Variants in GNG4 observed in about 807,000 individuals in gnomAD.
The protein encoded by GNG4 is G protein subunit gamma 4.
GNG4 carries 4 observed loss-of-function variants against 5.8 expected under a neutral mutation model. The ratio of observed to expected loss-of-function variants is 0.69; its 90% confidence interval spans 0.34 to 1.57. The LOEUF (loss-of-function observed/expected upper bound fraction) is 1.57, where lower values mean the gene tolerates loss of function less well. GNG4 is among the 40% of genes most tolerant of loss of function. The pLI is 0.06. For missense variants in GNG4, 96 were observed against 95.1 expected, an observed-to-expected ratio of 1.01 and a Z score of -0.04; for synonymous variants, 29 against 32.9, an observed-to-expected ratio of 0.88 and a Z score of 0.41.
intron 1 of GNG4, among the ~76,000 whole-genome samples, chr1:235,626,610 G>A (rs1436185397): frequency 2.6e-5 from 4 of 152,130 alleles, no homozygotes; most frequent in South Asian, 2.1e-4. Context: ...GAGCAAACTC[G>A]TCACTCTCTG....
chr1:235,626,490 T>A (rs1688811705), intron 1 of GNG4, among the ~76,000 whole-genome samples: 1 of 152,124 alleles, frequency 6.6e-6, no homozygotes. Flanking sequence ...CTCAGGGCCT[T>A]GCAAGTGCGA....
intron 1 of GNG4, chr1:235,616,237 T>C (rs1438867490): frequency 2.0e-6 from 1 of 512,294 alleles, no homozygotes; most frequent in African/African-American, 1.9e-5. Flanking sequence ...TCTTGAATAT[T>C]GCTGTGGTTG....
At chr1:235,569,872 G>A (rs1286571197) in intron 3 of GNG4, among the ~76,000 whole-genome samples, 3 of 152,050 alleles carry the variant, frequency 2.0e-5, no homozygotes, top group Admixed American at 6.6e-5. Context: ...GGCCTCTTCT[G>A]CCTATATTCT....
chr1:235,599,867 G>A (rs578076357), intron 1 of GNG4, among the ~76,000 whole-genome samples: 1 of 152,194 alleles, frequency 6.6e-6, no homozygotes, highest in Admixed American at 6.5e-5. Flanking sequence ...CTCTTTGAGA[G>A]GCCACACATC....
At chr1:235,581,257 G>T (rs928238084) in intron 3 of GNG4, among the ~76,000 whole-genome samples, 3 of 152,124 alleles carry the variant, frequency 2.0e-5, no homozygotes, top group Admixed American at 1.3e-4. Flanking sequence ...GTTCTCAAGA[G>T]ATCTGGTTGT....
chr1:235,554,273 C>T (rs1686835104), intron 3 of GNG4, among the ~76,000 whole-genome samples: 1 of 152,196 alleles, frequency 6.6e-6, no homozygotes, highest in African/African-American at 2.4e-5. Context: ...GAGTGATGAC[C>T]TCCTTAGTTT....
Position 235,633,720 on chromosome 1 carries a change from C to T in GNG4, c.-123+15942G>A, listed in dbSNP as rs562808411. 2.0e-5 allele frequency among the ~76,000 whole-genome samples: 3 copies of T among 152,282 alleles called. No homozygotes were observed. The South Asian group carries it at 6.2e-4, about 32-fold the overall frequency. On this transcript the variant is annotated intron_variant, in intron 1 of 3. Transcript: ENST00000391854. ...CCCAGGCTGGCCTCAAACCCTTGGC[C>T]TCTTGCAATCCTCCCACCTCAGCCT...
intron 3 of GNG4, among the ~76,000 whole-genome samples, chr1:235,566,427 AT>A (rs1408703917): frequency 6.6e-6 from 1 of 152,204 alleles, no homozygotes; most frequent in East Asian, 1.9e-4. Context: ...TGAGAACCTA[AT>A]GCCTGATGAT....
chr1:235,600,560 G>A (rs1312904494), intron 1 of GNG4, among the ~76,000 whole-genome samples: 5 of 151,886 alleles, frequency 3.3e-5, no homozygotes, highest in Non-Finnish European at 2.9e-5. Flanking sequence ...CAACCTCAGC[G>A]TCTGGAGTAG....
At chr1:235,573,269 T>C (rs770850132) in intron 3 of GNG4, among the ~76,000 whole-genome samples, 6 of 142,980 alleles carry the variant, frequency 4.2e-5, no homozygotes, top group Non-Finnish European at 7.5e-5. Context: ...TAGGTGGGAA[T>C]TGAACAATAT....
rs565383603 is a variant in GNG4, at chr1:235,602,263, C to A, written c.-122-6752G>T. 2.0e-5 allele frequency among the ~76,000 whole-genome samples: 3 copies of A among 152,098 alleles called. No homozygotes were observed. In the East Asian group the frequency reaches 5.8e-4, roughly 29 times the overall value. ...CTCCAGCCTGGTCCACAGAGCGAGA[C>A]CCGATCTCAACAACAACAACAAAAA... is the stretch of plus-strand genomic sequence containing the variant. On this transcript the variant is annotated intron_variant, in intron 1 of 3. Transcript: ENST00000391854.
chr1:235,637,441 C>T (rs554472576), intron 1 of GNG4, among the ~76,000 whole-genome samples: 224 of 152,104 alleles, frequency 1.5e-3, no homozygotes, highest in Non-Finnish European at 2.8e-3. Flanking sequence ...TCACTTGAGG[C>T]CAGGAGTTCA....
At chr1:235,555,923 A>G (rs575509209) in intron 3 of GNG4, among the ~76,000 whole-genome samples, 165 of 152,076 alleles carry the variant, frequency 1.1e-3, no homozygotes, top group African/African-American at 3.3e-3. Flanking sequence ...ACTGGAGTGC[A>G]GTAGGGCGAT....
chr1:235,646,672 C>T (rs958569166), intron 1 of GNG4, among the ~76,000 whole-genome samples: 1 of 152,180 alleles, frequency 6.6e-6, no homozygotes, highest in Non-Finnish European at 1.5e-5. Context: ...CCAGTGAGCA[C>T]GGCGTCTTGC....
intron 2 of GNG4, among the ~76,000 whole-genome samples, chr1:235,587,626 T>TGTGTGTGAGCGTGGGTTTGTG (rs1687838155): frequency 1.6e-4 from 1 of 6,114 alleles, no homozygotes; most frequent in Non-Finnish European, 2.4e-4. Context: ...TGTGTGAATG[T>TGTGTGTGAGCGTGGGTTTGTG]GGGGTGGAGT....
chr1:235,633,356 G>C (rs538722951), intron 1 of GNG4, among the ~76,000 whole-genome samples: 202 of 152,274 alleles, frequency 1.3e-3, no homozygotes, highest in African/African-American at 4.7e-3. Flanking sequence ...CTCTGTGCCA[G>C]CACCCCTTCA....
At chr1:235,615,870 C>T (rs1228597868) in intron 1 of GNG4, 2 of 275,968 alleles carry the variant, frequency 7.2e-6, no homozygotes, top group African/African-American at 4.6e-5. Context: ...TGGGCTCACT[C>T]TCTGTGCTGG....
intron 1 of GNG4, among the ~76,000 whole-genome samples, chr1:235,638,952 G>A (rs1657218352): frequency 6.6e-6 from 1 of 152,116 alleles, no homozygotes; most frequent in Non-Finnish European, 1.5e-5. Context: ...TGTAAATAGT[G>A]CTGCAATAAA....
At chr1:235,581,941 C>G (rs552680616) in intron 3 of GNG4, among the ~76,000 whole-genome samples, 4 of 152,268 alleles carry the variant, frequency 2.6e-5, no homozygotes, top group Admixed American at 2.6e-4. Flanking sequence ...ATCTTCCTTG[C>G]CAGAAGAGAA....
Sources: gnomAD v4.1 joint callset for allele counts (sites outside exome capture counted in the v4.1 genomes callset) on GRCh38, gnomAD v4.1.1 for gene constraint, MANE v1.5 for transcripts, NCBI Gene and HGNC (gene_info 2026-07-23, HGNC 2026-07-21) for gene names.